Variants in KLHL1 observed in about 807,000 individuals in gnomAD.
KLHL1 encodes the protein kelch-like protein 1.
In KLHL1, 47 loss-of-function variants were observed where a neutral mutation model predicts 77.7. The ratio of observed to expected loss-of-function variants is 0.60; its 90% confidence interval spans 0.48 to 0.77. The LOEUF (loss-of-function observed/expected upper bound fraction) is 0.77. Ranked by LOEUF, KLHL1 falls within the 30% of genes least tolerant of loss-of-function variation. The pLI, the probability that KLHL1 is intolerant of heterozygous loss-of-function variation, is 0.00. For missense variants in KLHL1, 925 were observed against 910.8 expected (o/e 1.02, Z -0.20); for synonymous variants, 360 against 325.2 (o/e 1.11, Z -1.15).
chr13:70,054,586 C>T (rs73214623), intron 1 of KLHL1, among the ~76,000 whole-genome samples: 1 of 151,820 alleles, frequency 6.6e-6, no homozygotes, highest in East Asian at 1.9e-4. Context: ...GAGTGACCAA[C>T]CCCCAAGTGA....
intron 8 of KLHL1, among the ~76,000 whole-genome samples, chr13:69,725,615 G>T (rs1225822062): frequency 5.3e-5 from 8 of 152,082 alleles, no homozygotes; most frequent in Non-Finnish European, 1.2e-4. Context: ...TACTCTATCA[G>T]GCTTCACAAC....
intron 6 of KLHL1, among the ~76,000 whole-genome samples, chr13:69,809,056 T>G (rs79156826): frequency 0.023 from 3,515 of 152,124 alleles, 132 homozygotes; most frequent in African/African-American, 0.081. Context: ...TCAAGAAATA[T>G]GGGATCATGT....
chr13:70,003,050 A>G (rs1336971767), intron 1 of KLHL1, among the ~76,000 whole-genome samples: 1 of 151,730 alleles, frequency 6.6e-6, no homozygotes, highest in Non-Finnish European at 1.5e-5. Flanking sequence ...AAAATTAACA[A>G]TTAAAAGACT....
At chr13:70,010,136 G>C (rs1266190741) in intron 1 of KLHL1, among the ~76,000 whole-genome samples, 1 of 152,096 alleles carries the variant, frequency 6.6e-6, no homozygotes, top group East Asian at 1.9e-4. Flanking sequence ...ATAAAGTCAA[G>C]AAAATGGCAG....
At chr13:70,063,049 A>C (rs1593713472) in intron 1 of KLHL1, among the ~76,000 whole-genome samples, 2 of 152,188 alleles carry the variant, frequency 1.3e-5, no homozygotes, top group East Asian at 3.9e-4. Context: ...AGGACGGTTA[A>C]ATTTGGCCAC....
intron 7 of KLHL1, among the ~76,000 whole-genome samples, chr13:69,752,886 C>T (rs530439050): frequency 9.2e-5 from 14 of 152,300 alleles, no homozygotes; most frequent in South Asian, 4.1e-4. Context: ...ACAGCCTCTC[C>T]GCATCCACTG....
intron 5 of KLHL1, among the ~76,000 whole-genome samples, chr13:69,876,525 T>C (rs532037141): frequency 6.6e-6 from 1 of 152,372 alleles, no homozygotes; most frequent in South Asian, 2.1e-4. Context: ...TGTTATTTTA[T>C]TGTGCTTGTT....
intron 1 of KLHL1, among the ~76,000 whole-genome samples, chr13:70,101,956 A>AG (rs1887933323): frequency 6.6e-6 from 1 of 152,012 alleles, no homozygotes; most frequent in Non-Finnish European, 1.5e-5. Flanking sequence ...GTAGCAAAAA[A>AG]AAAAAAACAA....
intron 7 of KLHL1, among the ~76,000 whole-genome samples, chr13:69,755,212 G>T (rs1874654812): frequency 6.6e-6 from 1 of 151,708 alleles, no homozygotes; most frequent in Admixed American, 6.6e-5. Flanking sequence ...TTAAAATATT[G>T]TGGCACCTCC....
At chr13:69,851,083 A>AC (rs5804451) in intron 5 of KLHL1, among the ~76,000 whole-genome samples, 141,685 of 151,480 alleles carry the variant, frequency 0.94, 66,439 homozygotes, top group East Asian at 0.99. Context: ...CTTAGTAGTC[A>AC]CAACTGAAAA....
At chr13:69,957,705 C>T (rs573603320) in intron 3 of KLHL1, among the ~76,000 whole-genome samples, 1 of 151,854 alleles carries the variant, frequency 6.6e-6, no homozygotes, top group Admixed American at 6.6e-5. Flanking sequence ...TTCTTTACAA[C>T]TTAAGATACC....
At chr13:69,752,798 T>C (rs1031941961) in intron 7 of KLHL1, among the ~76,000 whole-genome samples, 1 of 152,152 alleles carries the variant, frequency 6.6e-6, no homozygotes, top group African/African-American at 2.4e-5. Flanking sequence ...ACTCAGGCTA[T>C]ATATGGCCAT....
chr13:69,836,419 G>A (rs1878992791), intron 6 of KLHL1, among the ~76,000 whole-genome samples: 1 of 152,034 alleles, frequency 6.6e-6, no homozygotes, highest in African/African-American at 2.4e-5. Context: ...ATAGTTGTAA[G>A]GCATAGATTT....
chr13:69,896,931 A>G (rs751982057), intron 4 of KLHL1, among the ~76,000 whole-genome samples: 3 of 151,968 alleles, frequency 2.0e-5, no homozygotes, highest in African/African-American at 4.8e-5. Flanking sequence ...CAGCCTCCCA[A>G]TGTGCCGGGA....
intron 9 of KLHL1, among the ~76,000 whole-genome samples, chr13:69,716,685 T>G (rs1474309463): frequency 6.6e-6 from 1 of 152,190 alleles, no homozygotes; most frequent in African/African-American, 2.4e-5. Context: ...GTGGGACTGA[T>G]GCCTTTGAGC....
intron 7 of KLHL1, among the ~76,000 whole-genome samples, chr13:69,755,836 A>C (rs1400109534): frequency 6.6e-6 from 1 of 151,936 alleles, no homozygotes; most frequent in Non-Finnish European, 1.5e-5. Flanking sequence ...AAAATGAAAC[A>C]TGTGGGTAGT....
At position 69,966,948 on chromosome 13, in the gene KLHL1, T is replaced by G. The variant is rs200270928; in HGVS notation, c.681-5504A>C. On this transcript the variant is annotated intron_variant, in intron 2 of 10. Coordinates refer to ENST00000377844, the MANE Select transcript of KLHL1 (RefSeq NM_020866.3). Reference sequence around the variant, plus strand: ...TGACCATGAATGACATGATTTCATTTTTTTAATGGCTGAATAGTATTCCAT... The same window carrying G: ...TGACCATGAATGACATGATTTCATTGTTTTAATGGCTGAATAGTATTCCAT... Among the ~76,000 whole-genome samples, 10 of 152,340 alleles carry G rather than the reference T, an allele frequency of 6.6e-5. No individual in the cohort carries two copies. The East Asian group carries it at 1.5e-3, about 24-fold the overall frequency.
chr13:70,056,886 T>C (rs1486752624), intron 1 of KLHL1, among the ~76,000 whole-genome samples: 1 of 151,894 alleles, frequency 6.6e-6, no homozygotes, highest in African/African-American at 2.4e-5. Context: ...ACAAAACAAC[T>C]TATCGGTTCA....
At position 69,797,625 on chromosome 13, in the gene KLHL1, G is replaced by C. The variant is rs1162493148; in HGVS notation, c.1415-663C>G. On this transcript the variant is annotated intron_variant, in intron 6 of 10. Coordinates refer to ENST00000377844, the MANE Select transcript of KLHL1 (RefSeq NM_020866.3). ...AGGTCAGGAGATCGAGACCATCCTG[G>C]CTAATTAACGGTGAAACCCCGTCTC... 2.0e-5 allele frequency among the ~76,000 whole-genome samples: 3 copies of C among 150,088 alleles called. No homozygotes were observed. In the East Asian group the frequency reaches 5.9e-4, roughly 30 times the overall value.
Sources: allele counts gnomAD v4.1 joint callset (sites outside exome capture counted in the v4.1 genomes callset), GRCh38; gene constraint gnomAD v4.1.1; transcripts MANE v1.5; gene names NCBI Gene and HGNC (gene_info 2026-07-23, HGNC 2026-07-21).